RNF180: variants seen among roughly 807,000 people sequenced by gnomAD.
RNF180 encodes the protein ring finger protein 180, also known as E3 ubiquitin-protein ligase RNF180.
RNF180 carries 38 observed loss-of-function variants against 59.2 expected under a neutral mutation model. The ratio of observed to expected loss-of-function variants is 0.64; its 90% CI spans 0.50 to 0.84. The LOEUF (loss-of-function observed/expected upper bound fraction) is 0.84, where lower values mean the gene tolerates loss of function less well. RNF180 is among the 40% of genes least tolerant of loss of function. The pLI is 0.00. For synonymous variants in RNF180, 262 were observed against 240.3 expected (o/e 1.09, Z -0.84); for missense variants, 705 against 700.9 (o/e 1.01, Z -0.07).
At chr5:64,362,167 A>G (rs1398643083) in intron 7 of RNF180, among the ~76,000 whole-genome samples, 1 of 151,536 alleles carries the variant, frequency 6.6e-6, no homozygotes, top group East Asian at 2.0e-4. Context: ...GATTTGATAT[A>G]CAGATTATTT....
intron 1 of RNF180, among the ~76,000 whole-genome samples, chr5:64,193,856 A>G (rs1751306465): frequency 6.6e-6 from 1 of 152,136 alleles, no homozygotes; most frequent in East Asian, 1.9e-4. Context: ...TTGACCTTTT[A>G]ACCAGGGCCC....
intron 5 of RNF180, among the ~76,000 whole-genome samples, chr5:64,263,840 G>T (rs1054605529): frequency 5.3e-5 from 8 of 152,056 alleles, no homozygotes; most frequent in African/African-American, 1.9e-4. Context: ...GCATACAGAT[G>T]TGCAATCAGT....
At position 64,216,608 on chromosome 5, in the gene RNF180, T is replaced by G. The variant is rs775231431; in HGVS notation, c.1192-753T>G. On this transcript the variant is annotated intron_variant, in intron 4 of 7. Transcript: ENST00000389100. ...TGTTTGTAAGCTAGACATCTTTCAG[T>G]AATCTATGCCATGACAGAAAGTATT... 4.3e-4 allele frequency among the ~76,000 whole-genome samples: 65 copies of G among 152,332 alleles called. 1 individual carries two copies. Among genetic ancestry groups the G allele is most frequent in the South Asian group, 2.1e-3 (10 of 4,832 alleles).
At chr5:64,342,505 G>C (rs75915610) in intron 7 of RNF180, among the ~76,000 whole-genome samples, 6,373 of 152,114 alleles carry the variant, frequency 0.042, 183 homozygotes, top group Non-Finnish European at 0.064. Flanking sequence ...GAGTAAAAAA[G>C]GCTTAAAAAG....
At chr5:64,236,734 G>A (rs901523514) in intron 5 of RNF180, among the ~76,000 whole-genome samples, 12 of 152,164 alleles carry the variant, frequency 7.9e-5, no homozygotes, top group Admixed American at 7.9e-4. Flanking sequence ...CTGCTGCTCT[G>A]TGCGGCTTCA....
At chr5:64,244,766 C>A (rs1305698219) in intron 5 of RNF180, among the ~76,000 whole-genome samples, 1 of 152,126 alleles carries the variant, frequency 6.6e-6, no homozygotes, top group African/African-American at 2.4e-5. Flanking sequence ...TCAAGAAGAG[C>A]AACCCCAAGA....
At chr5:64,320,315 C>T (rs1744282177) in intron 5 of RNF180, among the ~76,000 whole-genome samples, 1 of 152,152 alleles carries the variant, frequency 6.6e-6, no homozygotes, top group African/African-American at 2.4e-5. Context: ...CAAGGACATG[C>T]CTGGTTCTTG....
In RNF180 at chr5:64,369,647, A is replaced by C; in HGVS notation, c.1612A>C (p.Arg538=). The C allele has an allele frequency of 1.3e-6, 2 of 1,527,770 alleles. No individual in the cohort carries two copies. The highest frequency in any genetic ancestry group is 2.3e-5 in the Admixed American group (1 of 43,944). The allele number at this position is 1,527,770 out of a possible 1,614,324, so 94.6% of individuals were successfully genotyped here. Residue 538 remains arginine (R), a synonymous_variant, in exon 8 of 8, where the codon AGG becomes CGG. Coordinates refer to ENST00000389100, the MANE Select transcript of RNF180 (RefSeq NM_001113561.2). ...CAGACATGCAGCTCCAGTTACAAGA[A>C]GGCAGTTCCCACACGGTGCACACAG... ...FRRHAAPVTR[R]QFPHGAHRMD...
intron 5 of RNF180, among the ~76,000 whole-genome samples, chr5:64,263,133 A>G (rs776356160): frequency 1.3e-5 from 2 of 152,168 alleles, no homozygotes; most frequent in African/African-American, 4.8e-5. Flanking sequence ...CATGATAAGG[A>G]TATTCAGGGG....
intron 1 of RNF180, among the ~76,000 whole-genome samples, chr5:64,190,334 A>G (rs1751079528): frequency 6.6e-6 from 1 of 152,156 alleles, no homozygotes; most frequent in East Asian, 1.9e-4. Flanking sequence ...ATGTGCCACC[A>G]TTGTATTTTA....
At chr5:64,359,109 C>A (rs1418133184) in intron 7 of RNF180, among the ~76,000 whole-genome samples, 1 of 151,394 alleles carries the variant, frequency 6.6e-6, no homozygotes, top group Non-Finnish European at 1.5e-5. Context: ...GTGCATGTGT[C>A]TTTATAGCAG....
intron 5 of RNF180, among the ~76,000 whole-genome samples, chr5:64,322,953 C>T (rs1189827637): frequency 6.6e-6 from 1 of 152,028 alleles, no homozygotes; most frequent in Non-Finnish European, 1.5e-5. Flanking sequence ...GTAACCAAAA[C>T]CACCTGTTCC....
chr5:64,262,837 C>T (rs1014421209), intron 5 of RNF180, among the ~76,000 whole-genome samples: 2 of 152,160 alleles, frequency 1.3e-5, no homozygotes, highest in Non-Finnish European at 2.9e-5. Flanking sequence ...TTCCCTCTAA[C>T]CTTCCCTACG....
chr5:64,352,279 T>A (rs1449470517), intron 7 of RNF180, among the ~76,000 whole-genome samples: 9 of 152,200 alleles, frequency 5.9e-5, no homozygotes, highest in African/African-American at 2.2e-4. Flanking sequence ...TGCATCTATT[T>A]GATTCTTCTC....
chr5:64,313,271 C>T (rs753511079), intron 5 of RNF180, among the ~76,000 whole-genome samples: 1 of 152,024 alleles, frequency 6.6e-6, no homozygotes, highest in Non-Finnish European at 1.5e-5. Flanking sequence ...ATGAGCATGG[C>T]ACCCAATAGG....
intron 7 of RNF180, among the ~76,000 whole-genome samples, chr5:64,345,848 C>CA (rs138907016): frequency 0.011 from 1,711 of 152,036 alleles, 30 homozygotes; most frequent in African/African-American, 0.039. Flanking sequence ...ATTTTAGATC[C>CA]AAAAAAATCC....
intron 1 of RNF180, among the ~76,000 whole-genome samples, chr5:64,188,961 G>T (rs1220733982): frequency 6.6e-6 from 1 of 152,054 alleles, no homozygotes; most frequent in Non-Finnish European, 1.5e-5. Flanking sequence ...AGGTCACAGG[G>T]TGAAACCCCA....
intron 7 of RNF180, among the ~76,000 whole-genome samples, chr5:64,365,808 G>C (rs1457190137): frequency 6.6e-6 from 1 of 151,320 alleles, no homozygotes; most frequent in East Asian, 1.9e-4. Flanking sequence ...GCTTTTTTAT[G>C]CTTTCCATTT....
intron 1 of RNF180, among the ~76,000 whole-genome samples, chr5:64,199,989 A>T (rs1380682931): frequency 6.6e-6 from 1 of 152,220 alleles, no homozygotes; most frequent in Non-Finnish European, 1.5e-5. Flanking sequence ...CGCTTTCAGG[A>T]TAAAGGAATT....
Sources: gnomAD v4.1 joint callset for allele counts (sites outside exome capture counted in the v4.1 genomes callset) on GRCh38, gnomAD v4.1.1 for gene constraint, MANE v1.5 for transcripts, NCBI Gene and HGNC (gene_info 2026-07-23, HGNC 2026-07-21) for gene names.